STEAP1B: variants seen among roughly 807,000 people sequenced by gnomAD.
STEAP1B encodes the protein STEAP family member 1B, also known as STEAP family protein MGC87042.
A neutral mutation model predicts 27.9 loss-of-function variants in STEAP1B; 13 were observed. That is an observed-to-expected ratio of 0.47 (90% confidence interval 0.30 to 0.74). The LOEUF (loss-of-function observed/expected upper bound fraction) is 0.74. Among genes scored for constraint, STEAP1B ranks in the 30% least tolerant of loss-of-function variants. The pLI, the probability that STEAP1B is intolerant of heterozygous loss-of-function variation, is 0.06. For synonymous variants in STEAP1B, 86 were observed against 107.1 expected (o/e 0.80, Z 1.22); for missense variants, 250 against 298.7 (o/e 0.84, Z 1.20).
chr7:22,497,769 G>A (rs1415009069), intron 1 of STEAP1B, among the ~76,000 whole-genome samples: 1 of 152,188 alleles, frequency 6.6e-6, no homozygotes, highest in Non-Finnish European at 1.5e-5. Context: ...ATTGGCTCAT[G>A]GTTCCATAGG....
intron 4 of STEAP1B, among the ~76,000 whole-genome samples, chr7:22,428,646 A>G (rs546321162): frequency 6.6e-6 from 1 of 152,082 alleles, no homozygotes; most frequent in Non-Finnish European, 1.5e-5. Context: ...AGCAAATGAA[A>G]TCTACCAATA....
chr7:22,463,554 T>C (rs186097011), intron 4 of STEAP1B, among the ~76,000 whole-genome samples: 1 of 152,178 alleles, frequency 6.6e-6, no homozygotes. Context: ...GACTTCAAAC[T>C]ATACTACAAG....
At chr7:22,439,800 G>C (rs1270869786) in intron 4 of STEAP1B, among the ~76,000 whole-genome samples, 1 of 152,100 alleles carries the variant, frequency 6.6e-6, no homozygotes, top group Non-Finnish European at 1.5e-5. Context: ...GGTAACTATA[G>C]TATGAAATTC....
intron 1 of STEAP1B, among the ~76,000 whole-genome samples, chr7:22,497,000 C>T (rs1786453785): frequency 6.6e-6 from 1 of 152,062 alleles, no homozygotes; most frequent in Admixed American, 6.5e-5. Context: ...TTTAGTTTGC[C>T]CACATTCTTT....
intron 4 of STEAP1B, among the ~76,000 whole-genome samples, chr7:22,482,355 T>C (rs1786094555): frequency 6.6e-6 from 1 of 152,206 alleles, no homozygotes; most frequent in Admixed American, 6.5e-5. Context: ...AACGAATAAT[T>C]CTTAGCACAA....
chr7:22,430,877 G>C (rs1785178713), intron 4 of STEAP1B, among the ~76,000 whole-genome samples: 1 of 152,186 alleles, frequency 6.6e-6, no homozygotes, highest in Non-Finnish European at 1.5e-5. Context: ...GTCTACAACA[G>C]ACATGGAACC....
intron 4 of STEAP1B, among the ~76,000 whole-genome samples, chr7:22,479,700 T>TTTC (rs1164319095): frequency 6.7e-6 from 1 of 148,216 alleles, no homozygotes. Flanking sequence ...TTTTTTTTTT[T>TTTC]CTGAGATAGA....
intron 4 of STEAP1B, among the ~76,000 whole-genome samples, chr7:22,425,194 C>A (rs1047687680): frequency 6.6e-6 from 1 of 152,154 alleles, no homozygotes; most frequent in Non-Finnish European, 1.5e-5. Flanking sequence ...TGAAGTGTCA[C>A]AATGATTTGG....
intron 4 of STEAP1B, among the ~76,000 whole-genome samples, chr7:22,460,029 G>T (rs1366647479): frequency 6.6e-6 from 1 of 152,116 alleles, no homozygotes; most frequent in Admixed American, 6.5e-5. Flanking sequence ...ATGAGGAAAG[G>T]CTGGCTGTGG....
intron 4 of STEAP1B, among the ~76,000 whole-genome samples, chr7:22,438,073 C>T (rs938383503): frequency 4.6e-5 from 7 of 151,996 alleles, no homozygotes; most frequent in Admixed American, 2.0e-4. Context: ...TTCATTTTGT[C>T]GATCGTTTCT....
intron 4 of STEAP1B, among the ~76,000 whole-genome samples, chr7:22,425,143 T>C (rs997856433): frequency 6.6e-6 from 1 of 152,232 alleles, no homozygotes; most frequent in African/African-American, 2.4e-5. Flanking sequence ...CCTGTGTCTC[T>C]AAGGTCATCA....
intron 4 of STEAP1B, among the ~76,000 whole-genome samples, chr7:22,467,761 A>C (rs1001757185): frequency 6.6e-5 from 10 of 151,980 alleles, no homozygotes; most frequent in South Asian, 2.1e-4. Flanking sequence ...GAGTCTATTA[A>C]ACCTCTTTCT....
intron 4 of STEAP1B, among the ~76,000 whole-genome samples, chr7:22,442,953 T>G (rs1041974817): frequency 2.0e-5 from 3 of 152,104 alleles, no homozygotes; most frequent in Non-Finnish European, 4.4e-5. Flanking sequence ...CCCTACCCCC[T>G]TCCCTGGCAA....
At chr7:22,452,324 A>G (rs1186791512) in intron 4 of STEAP1B, among the ~76,000 whole-genome samples, 1 of 151,904 alleles carries the variant, frequency 6.6e-6, no homozygotes, top group Non-Finnish European at 1.5e-5. Context: ...CCACACTCCA[A>G]TTTGCTCATA....
intron 4 of STEAP1B, among the ~76,000 whole-genome samples, chr7:22,466,943 C>T (rs1293363269): frequency 6.6e-6 from 1 of 152,226 alleles, no homozygotes; most frequent in Non-Finnish European, 1.5e-5. Context: ...ACAATAGCAA[C>T]ACCTGCCTCC....
intron 4 of STEAP1B, among the ~76,000 whole-genome samples, chr7:22,484,153 G>C (rs1420167385): frequency 6.6e-6 from 1 of 152,198 alleles, no homozygotes; most frequent in Non-Finnish European, 1.5e-5. Context: ...ATCTAGCTAG[G>C]ATCATTGAAG....
At chr7:22,464,610 A>T (rs992630708) in intron 4 of STEAP1B, among the ~76,000 whole-genome samples, 1 of 152,058 alleles carries the variant, frequency 6.6e-6, no homozygotes, top group Non-Finnish European at 1.5e-5. Flanking sequence ...GGTGAGCCCT[A>T]ATCCAATCTG....
intron 2 of STEAP1B, among the ~76,000 whole-genome samples, chr7:22,494,336 C>T (rs1426953634): frequency 1.3e-5 from 2 of 151,672 alleles, no homozygotes; most frequent in Admixed American, 6.6e-5. Context: ...TACAGTGAAT[C>T]GTCAATTTAC....
intron 4 of STEAP1B, among the ~76,000 whole-genome samples, chr7:22,479,073 G>A (rs532647225): frequency 3.9e-5 from 6 of 152,228 alleles, no homozygotes; most frequent in Admixed American, 1.3e-4. Context: ...TTAAACTCCC[G>A]CTCCACTTGG....
Sources: gnomAD v4.1 joint callset for allele counts (sites outside exome capture counted in the v4.1 genomes callset) on GRCh38, gnomAD v4.1.1 for gene constraint, MANE v1.5 for transcripts, NCBI Gene and HGNC (gene_info 2026-07-23, HGNC 2026-07-21) for gene names.